Variants in RNF130 observed in about 807,000 individuals in gnomAD.
RNF130 encodes the protein ring finger protein 130.
In RNF130, 21 loss-of-function variants were observed where a neutral mutation model predicts 44.6. That is an observed-to-expected ratio of 0.47 (90% CI 0.33 to 0.68). RNF130 has a LOEUF of 0.68. Ranked by LOEUF, RNF130 falls within the 30% of genes least tolerant of loss-of-function variation. The pLI is 0.02. For missense variants in RNF130, 479 were observed against 560.6 expected (o/e 0.85, Z 1.47); for synonymous variants, 214 against 210.4 (o/e 1.02, Z -0.15).
chr5:179,992,089 G>A (rs1054233633), intron 3 of RNF130, among the ~76,000 whole-genome samples: 1 of 152,198 alleles, frequency 6.6e-6, no homozygotes, highest in Non-Finnish European at 1.5e-5. Context: ...CCTGCTGTGT[G>A]TCCTGTATCC....
At chr5:180,058,723 C>T (rs1005927703) in intron 1 of RNF130, among the ~76,000 whole-genome samples, 18 of 151,942 alleles carry the variant, frequency 1.2e-4, no homozygotes, top group Middle Eastern at 3.4e-3. Context: ...GCCTGGCTAA[C>T]GCTAATTTTT....
intron 7 of RNF130, among the ~76,000 whole-genome samples, chr5:179,964,865 G>A (rs1334665292): frequency 6.6e-6 from 1 of 152,120 alleles, no homozygotes; most frequent in Non-Finnish European, 1.5e-5. Context: ...TTCCTCATCA[G>A]TAGATTGAAG....
exon 8 of RNF130, chr5:179,914,780 A>C (rs1345277295): frequency 1.3e-5 from 2 of 152,256 alleles, no homozygotes; most frequent in African/African-American, 4.8e-5. Flanking sequence ...CTGTAATCCC[A>C]GCACTTTGAG....
chr5:179,944,096 C>T (rs753186401), intron 7 of RNF130, among the ~76,000 whole-genome samples: 6 of 151,556 alleles, frequency 4.0e-5, no homozygotes, highest in Non-Finnish European at 8.8e-5. Flanking sequence ...CTCAGCCTCC[C>T]GAGTAGCTGG....
intron 1 of RNF130, among the ~76,000 whole-genome samples, chr5:180,045,676 C>T (rs1371951932): frequency 6.6e-6 from 1 of 152,166 alleles, no homozygotes; most frequent in Non-Finnish European, 1.5e-5. Context: ...TTGAGTTAGA[C>T]ACAGAGTGCT....
At chr5:180,069,378 C>T (rs2113198075) in intron 1 of RNF130, among the ~76,000 whole-genome samples, 1 of 152,228 alleles carries the variant, frequency 6.6e-6, no homozygotes, top group Non-Finnish European at 1.5e-5. Context: ...GGTACAAAGC[C>T]AGACTTAAAC....
chr5:179,954,510 C>T (rs1451770623), downstream of RNF130, among the ~76,000 whole-genome samples: 2 of 152,064 alleles, frequency 1.3e-5, no homozygotes, highest in African/African-American at 2.4e-5. Context: ...CATGAAATGC[C>T]CAGAACAGGC....
intron 1 of RNF130, among the ~76,000 whole-genome samples, chr5:180,059,888 C>T (rs1197496510): frequency 6.6e-6 from 1 of 152,156 alleles, no homozygotes; most frequent in Non-Finnish European, 1.5e-5. Flanking sequence ...TCAGTGAATA[C>T]ATCAGGTTAC....
chr5:180,017,756 C>T (rs2113097250), intron 2 of RNF130, among the ~76,000 whole-genome samples: 1 of 152,274 alleles, frequency 6.6e-6, no homozygotes, highest in South Asian at 2.1e-4. Flanking sequence ...ACTACAAAAT[C>T]AGTTTTGAGA....
At position 179,931,088 on chromosome 5, in the gene RNF130, C is replaced by CT. The variant is rs933324682; in HGVS notation, c.1151-10663dup. On this transcript the variant is annotated intron_variant, in intron 7 of 7. Coordinates refer to the RNF130 transcript ENST00000522208. ...AATAGGTGTTGAATTTTAGCAAATG[C>CT]TTTTTTTGTACCTATTAAGATAAAA... Among the ~76,000 whole-genome samples, 4 of 147,160 alleles carry CT rather than the reference C, an allele frequency of 2.7e-5. No individual in the cohort carries two copies. In the Admixed American group the frequency reaches 2.7e-4, roughly 10 times the overall value.
chr5:179,989,120 C>A (rs1561682375), intron 3 of RNF130, among the ~76,000 whole-genome samples: 4 of 152,186 alleles, frequency 2.6e-5, no homozygotes, highest in Admixed American at 1.3e-4. Flanking sequence ...CTTCACAGGG[C>A]AGCAGGAGAG....
intron 3 of RNF130, among the ~76,000 whole-genome samples, chr5:179,982,285 T>C (rs1252776890): frequency 6.6e-6 from 1 of 151,486 alleles, no homozygotes; most frequent in Non-Finnish European, 1.5e-5. Flanking sequence ...ACAATATCCT[T>C]TCACCTGTTG....
At chr5:179,931,151 G>A (rs1282118350) in intron 7 of RNF130, among the ~76,000 whole-genome samples, 1 of 151,386 alleles carries the variant, frequency 6.6e-6, no homozygotes, top group Non-Finnish European at 1.5e-5. Flanking sequence ...TTTTGATGAC[G>A]TCCACGCAAA....
intron 1 of RNF130, among the ~76,000 whole-genome samples, chr5:180,070,476 G>A (rs76367065): frequency 0.012 from 1,785 of 152,310 alleles, 37 homozygotes; most frequent in African/African-American, 0.041. Flanking sequence ...TAATATGTTA[G>A]TATCTTAAGA....
intron 7 of RNF130, among the ~76,000 whole-genome samples, chr5:179,925,388 G>A (rs945160809): frequency 6.6e-6 from 1 of 152,222 alleles, no homozygotes; most frequent in Admixed American, 6.5e-5. Context: ...GGTACCGGTA[G>A]GGGAGGGCAC....
At chr5:179,993,973 T>C (rs1048196223) in intron 3 of RNF130, among the ~76,000 whole-genome samples, 2 of 152,252 alleles carry the variant, frequency 1.3e-5, no homozygotes, top group African/African-American at 4.8e-5. Context: ...CGTCATTTCT[T>C]AAATAGGGAA....
chr5:179,956,907 A>G (rs969014908), intron 8 of RNF130, among the ~76,000 whole-genome samples: 2 of 152,194 alleles, frequency 1.3e-5, no homozygotes, highest in Non-Finnish European at 2.9e-5. Context: ...CAGCATCTCA[A>G]TGAATGAGGG....
chr5:180,070,616 A>C (rs937764262), intron 1 of RNF130, among the ~76,000 whole-genome samples: 1 of 152,222 alleles, frequency 6.6e-6, no homozygotes, highest in African/African-American at 2.4e-5. Context: ...ATAATGGCAG[A>C]TATCTCCCAA....
downstream of RNF130, among the ~76,000 whole-genome samples, chr5:179,950,250 G>A (rs1762106115): frequency 6.6e-6 from 1 of 151,992 alleles, no homozygotes; most frequent in Admixed American, 6.6e-5. Flanking sequence ...CCAAGTAGCT[G>A]GAATTATAGG....
Sources: allele counts gnomAD v4.1 joint callset (sites outside exome capture counted in the v4.1 genomes callset), GRCh38; gene constraint gnomAD v4.1.1; transcripts MANE v1.5; gene names NCBI Gene and HGNC (gene_info 2026-07-23, HGNC 2026-07-21).